Variants in POLH observed in about 807,000 individuals in gnomAD.
POLH encodes the protein DNA polymerase eta transcript.
In POLH, 53 loss-of-function variants were observed where a neutral mutation model predicts 73.6. The observed-to-expected ratio is 0.72, with a 90% CI of 0.58 to 0.91. The LOEUF is 0.91. POLH is among the 40% of genes least tolerant of loss of function. POLH has a pLI of 0.00. For synonymous variants in POLH, 292 were observed against 308.5 expected (o/e 0.95, Z 0.56); for missense variants, 768 against 865.4 (o/e 0.89, Z 1.41).
At chr6:43,590,705 C>G (rs1387595315) in intron 4 of POLH, among the ~76,000 whole-genome samples, 1 of 151,660 alleles carries the variant, frequency 6.6e-6, no homozygotes, top group Admixed American at 6.6e-5. Context: ...GGTGAATCAC[C>G]TGAGGTCAGG....
intron 1 of POLH, among the ~76,000 whole-genome samples, chr6:43,580,205 T>C (rs1218128933): frequency 1.4e-5 from 2 of 144,148 alleles, no homozygotes; most frequent in Non-Finnish European, 3.0e-5. Context: ...AGCACATGTT[T>C]CAGAGAGCAC....
intron 1 of POLH, among the ~76,000 whole-genome samples, 186 bp from the exon 2 acceptor site, chr6:43,582,130 A>C (rs1344700499): frequency 6.6e-6 from 1 of 152,176 alleles, no homozygotes. Flanking sequence ...AATCTCAAGC[A>C]CTTTGGATCC....
chr6:43,593,141 G>A (rs746413631), intron 4 of POLH, among the ~76,000 whole-genome samples: 3 of 152,084 alleles, frequency 2.0e-5, no homozygotes, highest in Admixed American at 6.6e-5. Context: ...TGGAACTATC[G>A]GCATGTGCCA....
intron 4 of POLH, among the ~76,000 whole-genome samples, chr6:43,594,039 A>G (rs1765773838): frequency 6.6e-6 from 1 of 152,214 alleles, no homozygotes; most frequent in African/African-American, 2.4e-5. Flanking sequence ...AGAAAAGGTA[A>G]AAAGCATTGT....
chr6:43,605,446 T>C, intron 9 of POLH, 127 bp downstream of exon 9: 1 of 309,204 alleles, frequency 3.2e-6, no homozygotes, highest in Non-Finnish European at 6.0e-6. Flanking sequence ...TTTCTTTCTT[T>C]TTTTTTTTTT....
chr6:43,620,348 G>A lies in POLH; in HGVS notation c.*5791G>A. 2.0e-6 allele frequency: 1 copy of A among 507,910 alleles called. No individual in the cohort carries two copies. The highest frequency in any genetic ancestry group is 3.9e-6 in the Non-Finnish European group (1 of 257,366). 31.5% of individuals were successfully genotyped at this position (507,910 alleles called of 1,614,324 possible). ...GAACTCTGAACCTATGTGGAGGAGA[G>A]AAAAACAATGGTGAACGAGATACCA... is the stretch of plus-strand genomic sequence containing the variant. On this transcript the variant is annotated 3_prime_UTR_variant, in exon 11 of 11. Transcript: ENST00000372236.
At chr6:43,590,202 CA>C (rs1181904617) in intron 4 of POLH, among the ~76,000 whole-genome samples, 2 of 151,424 alleles carry the variant, frequency 1.3e-5, no homozygotes, top group African/African-American at 2.4e-5. Context: ...ACCGAAAATA[CA>C]AAAAAACTAG....
chr6:43,599,747 T>C (rs1017700019), intron 5 of POLH, among the ~76,000 whole-genome samples: 1 of 151,348 alleles, frequency 6.6e-6, no homozygotes, highest in Non-Finnish European at 1.5e-5. Flanking sequence ...CTCTAATGAA[T>C]TTAATAATTT....
chr6:43,588,437 T>TTTTCA (rs112210109), intron 4 of POLH: 19 of 151,862 alleles, frequency 1.3e-4, no homozygotes, highest in African/African-American at 2.4e-4. Flanking sequence ...CTTTCTTTCC[T>TTTTCA]TTTCATTTCA....
chr6:43,614,507 C>T lies in POLH; in HGVS notation c.2092C>T (p.Pro698Ser). 1.2e-6 allele frequency: 2 copies of T among 1,614,034 alleles called. No individual in the cohort carries two copies. The highest frequency in any genetic ancestry group is 2.2e-5 in the South Asian group (2 of 91,078). ...PLACTNKRPR[P>S]EGMQTLESFF... ...GGCCTGCACTAATAAACGCCCCAGG[C>T]CTGAGGGCATGCAAACATTGGAATC... The change falls in exon 11 of 11, where the codon CCT (proline) becomes TCT (serine). Residue 698 changes from proline to serine, a missense_variant. By Grantham distance (74) the Pro-to-Ser change is moderately conservative. Coordinates refer to ENST00000372236, the MANE Select transcript of POLH (RefSeq NM_006502.3).
At chr6:43,611,735 AC>A (rs1458262909) in intron 10 of POLH, among the ~76,000 whole-genome samples, 1 of 152,090 alleles carries the variant, frequency 6.6e-6, no homozygotes, top group African/African-American at 2.4e-5. Context: ...ATGTGTACAG[AC>A]CTATAATATG....
Position 43,605,574 on chromosome 6 carries a change from G to C in POLH, c.1074+255G>C, listed in dbSNP as rs151138665. 5.0e-3 allele frequency among the ~76,000 whole-genome samples: 742 copies of C among 148,460 alleles called. 6 individuals are homozygous for C. The highest frequency in any genetic ancestry group is 0.017 in the African/African-American group (675 of 40,270). ...AGCTCTCCTCCCAACTCAGCCTCCT[G>C]AGTAGCTGGGACTACAGGTGCATGC... On this transcript the variant is annotated intron_variant, in intron 9 of 10. Transcript: ENST00000372236.
intron 1 of POLH, among the ~76,000 whole-genome samples, chr6:43,580,876 C>T (rs1165821955): frequency 2.7e-4 from 40 of 146,850 alleles, no homozygotes; most frequent in South Asian, 6.5e-4. Flanking sequence ...GACGGGGCGG[C>T]TGGCCGGGCG....
intron 6 of POLH, among the ~76,000 whole-genome samples, chr6:43,601,875 T>C (rs1441183937): frequency 6.6e-6 from 1 of 152,036 alleles, no homozygotes; most frequent in African/African-American, 2.4e-5. Flanking sequence ...CTGGCCAACA[T>C]GGTGAAACCC....
intron 9 of POLH, among the ~76,000 whole-genome samples, chr6:43,608,127 C>T (rs1767497902): frequency 6.6e-6 from 1 of 152,080 alleles, no homozygotes; most frequent in South Asian, 2.1e-4. Flanking sequence ...CAAAGCTCCA[C>T]CTCAAAAATA....
At chr6:43,611,124 T>A (rs2127817152) in intron 10 of POLH, among the ~76,000 whole-genome samples, 4 of 152,284 alleles carry the variant, frequency 2.6e-5, no homozygotes, top group Admixed American at 2.6e-4. Flanking sequence ...CAGTACCTGT[T>A]ACTCTGGGAG....
intron 10 of POLH, among the ~76,000 whole-genome samples, chr6:43,612,346 CTT>C (rs112706817): frequency 1.5e-4 from 20 of 137,334 alleles, no homozygotes; most frequent in Admixed American, 1.5e-4. Context: ...TATTGGGATA[CTT>C]TTTTTTTTTT....
intron 10 of POLH, among the ~76,000 whole-genome samples, chr6:43,612,531 G>C (rs548635676): frequency 1.3e-5 from 2 of 151,958 alleles, no homozygotes; most frequent in South Asian, 4.2e-4. Context: ...ACTTTTAGTA[G>C]AGACAGGGTT....
intron 3 of POLH, among the ~76,000 whole-genome samples, chr6:43,585,386 C>G (rs1336875348): frequency 6.6e-6 from 1 of 152,134 alleles, no homozygotes; most frequent in Non-Finnish European, 1.5e-5. Flanking sequence ...CTCTCTTCCT[C>G]TCCCCTCCCC....
Sources: gnomAD v4.1 joint callset for allele counts (sites outside exome capture counted in the v4.1 genomes callset) on GRCh38, gnomAD v4.1.1 for gene constraint, MANE v1.5 for transcripts, NCBI Gene and HGNC (gene_info 2026-07-23, HGNC 2026-07-21) for gene names.